The following LMNTD1 variants were observed in gnomAD, a reference collection of about 807,000 sequenced individuals.
LMNTD1 encodes lamin tail domain containing 1.
A neutral mutation model predicts 50.9 loss-of-function variants in LMNTD1; 35 were observed. The observed-to-expected ratio is 0.69, with a 90% CI of 0.53 to 0.91. The LOEUF (loss-of-function observed/expected upper bound fraction) is 0.91, where lower values mean the gene tolerates loss of function less well. LMNTD1 is among the 40% of genes least tolerant of loss of function. The pLI is 0.00. For synonymous variants in LMNTD1, 153 were observed against 161.9 expected, an observed-to-expected ratio of 0.94 and a Z score of 0.42; for missense variants, 470 against 475.5, an observed-to-expected ratio of 0.99 and a Z score of 0.11.
chr12:25,513,016 C>A (rs1207054790), intron 8 of LMNTD1, among the ~76,000 whole-genome samples: 1 of 152,106 alleles, frequency 6.6e-6, no homozygotes, highest in South Asian at 2.1e-4. Context: ...TAATCCATAG[C>A]CACAAACTTA....
At chr12:25,538,748 T>G (rs1268040853) in intron 4 of LMNTD1, among the ~76,000 whole-genome samples, 1 of 101,378 alleles carries the variant, frequency 9.9e-6, no homozygotes, top group African/African-American at 3.3e-5. Context: ...GTAAATGGAC[T>G]AAATGCCCCA....
At position 25,546,387 on chromosome 12, in the gene LMNTD1, G is replaced by A; in HGVS notation, c.478C>T (p.Gln160Ter). 1.9e-6 allele frequency: 3 copies of A among 1,580,896 alleles called. No homozygotes were observed. Among genetic ancestry groups the A allele is most frequent in the African/African-American group, 1.4e-5 (1 of 73,588 alleles). The stretch of plus-strand genomic sequence containing the variant: ...TAAAATATGTACCTGGAGGTAAATT[G>A]GCCAACTTCTTCAAGAATCATAGAA... ...YFSMILEEVG[Q>*]FTSSSLGDVE... Residue 160 changes from glutamine (Q) to a stop codon, truncating the protein, a stop_gained, in exon 4 of 10, where the codon CAA becomes TAA. Coordinates refer to ENST00000458174, the MANE Select transcript of LMNTD1 (RefSeq NM_001145728.2). LOFTEE classifies it high-confidence loss of function.
At chr12:25,492,980 A>G (rs1938935064) in intron 9 of LMNTD1, among the ~76,000 whole-genome samples, 1 of 152,096 alleles carries the variant, frequency 6.6e-6, no homozygotes, top group Admixed American at 6.5e-5. Flanking sequence ...TGTTCCATGT[A>G]TTTGCTGCAT....
chr12:25,580,996 C>T (rs1342028194), intron 1 of LMNTD1, among the ~76,000 whole-genome samples: 1 of 152,158 alleles, frequency 6.6e-6, no homozygotes, highest in East Asian at 1.9e-4. Context: ...GAACAGTAAG[C>T]TTTAGCCTAC....
chr12:25,520,829 G>A (rs1941265922), intron 6 of LMNTD1, among the ~76,000 whole-genome samples: 1 of 152,114 alleles, frequency 6.6e-6, no homozygotes, highest in African/African-American at 2.4e-5. Context: ...ACCATGTACT[G>A]GGGTTCCCTT....
intron 4 of LMNTD1, among the ~76,000 whole-genome samples, chr12:25,543,696 C>A (rs542518234): frequency 6.6e-6 from 1 of 151,110 alleles, no homozygotes; most frequent in South Asian, 2.1e-4. Context: ...TTACTTGAAG[C>A]TTTTCTTTCT....
At chr12:25,483,132 G>A (rs1425313353) in intron 9 of LMNTD1, among the ~76,000 whole-genome samples, 1 of 151,936 alleles carries the variant, frequency 6.6e-6, no homozygotes, top group East Asian at 1.9e-4. Flanking sequence ...GATATAAGAA[G>A]TCTTAATGTG....
intron 1 of LMNTD1, among the ~76,000 whole-genome samples, chr12:25,622,652 T>C (rs1450101826): frequency 2.6e-5 from 4 of 152,190 alleles, no homozygotes; most frequent in Non-Finnish European, 4.4e-5. Context: ...CTTTACTCTA[T>C]GCCAGTCACA....
rs574087124 is a variant in LMNTD1 at position 25,580,294 on chromosome 12, A to G, written c.59-33740T>C. 1.2e-4 allele frequency among the ~76,000 whole-genome samples: 19 copies of G among 152,166 alleles called. No homozygotes were observed. The South Asian group carries it at 3.9e-3, about 32-fold the overall frequency. On this transcript the variant is annotated intron_variant, in intron 1 of 7. Coordinates refer to the LMNTD1 transcript ENST00000445693. ...TGTTTTCATGTATCTCTATTTCAGT[A>G]TTGATTCCATTGTTAAGGCAAAACT...
chr12:25,571,282 A>G (rs1348815712), intron 1 of LMNTD1, among the ~76,000 whole-genome samples: 1 of 152,226 alleles, frequency 6.6e-6, no homozygotes. Context: ...TCTCGTATCA[A>G]TGTGAAATGA....
intron 9 of LMNTD1, among the ~76,000 whole-genome samples, chr12:25,481,962 T>A (rs942166535): frequency 6.6e-6 from 1 of 151,528 alleles, no homozygotes; most frequent in Non-Finnish European, 1.5e-5. Context: ...AGACCCTCAG[T>A]TGAGCAATAA....
At chr12:25,480,886 T>C (rs928421487) in intron 9 of LMNTD1, among the ~76,000 whole-genome samples, 2 of 152,206 alleles carry the variant, frequency 1.3e-5, no homozygotes, top group African/African-American at 2.4e-5. Flanking sequence ...GGTGGGCCTG[T>C]CTAGCTTGCT....
intron 8 of LMNTD1, 67 bp downstream of exon 8, chr12:25,518,728 C>T: frequency 7.2e-7 from 1 of 1,385,458 alleles, no homozygotes; most frequent in South Asian, 1.2e-5. Flanking sequence ...CCACTTAACC[C>T]ACTAGTTAAC....
intron 1 of LMNTD1, among the ~76,000 whole-genome samples, chr12:25,578,291 C>T (rs1455418574): frequency 3.9e-5 from 6 of 152,044 alleles, no homozygotes; most frequent in African/African-American, 7.3e-5. Context: ...GATCTGTATA[C>T]GTGGGTGAAA....
intron 1 of LMNTD1, among the ~76,000 whole-genome samples, chr12:25,578,194 A>G (rs1945116276): frequency 6.6e-6 from 1 of 152,320 alleles, no homozygotes; most frequent in Non-Finnish European, 1.5e-5. Context: ...TCATGTTTAC[A>G]CTACTGTGAA....
chr12:25,599,582 T>C (rs1945918022), intron 1 of LMNTD1, among the ~76,000 whole-genome samples: 1 of 152,010 alleles, frequency 6.6e-6, no homozygotes, highest in South Asian at 2.1e-4. Flanking sequence ...CTATTAGAAC[T>C]GCTAAACAAA....
chr12:25,556,564 C>T (rs1944051345), upstream of LMNTD1, among the ~76,000 whole-genome samples: 1 of 152,176 alleles, frequency 6.6e-6, no homozygotes, highest in Non-Finnish European at 1.5e-5. Context: ...GGTCTCAAAT[C>T]ATCTCAAATC....
intron 1 of LMNTD1, among the ~76,000 whole-genome samples, chr12:25,645,293 A>G (rs1947043777): frequency 6.6e-6 from 1 of 152,148 alleles, no homozygotes; most frequent in African/African-American, 2.4e-5. Context: ...GCAAAAAGAG[A>G]AGCAAGGTTT....
intron 9 of LMNTD1, among the ~76,000 whole-genome samples, chr12:25,496,560 C>T (rs1939076116): frequency 6.6e-6 from 1 of 152,132 alleles, no homozygotes; most frequent in Non-Finnish European, 1.5e-5. Context: ...GAAATAATGT[C>T]AACGGTGTGG....
Sources: allele counts gnomAD v4.1 joint callset (sites outside exome capture counted in the v4.1 genomes callset), GRCh38; gene constraint gnomAD v4.1.1; transcripts MANE v1.5; gene names NCBI Gene and HGNC (gene_info 2026-07-23, HGNC 2026-07-21).